FGF12: variants seen among roughly 807,000 people sequenced by gnomAD.
FGF12 encodes the protein fibroblast growth factor 12, also known as fibroblast growth factor 12B.
In FGF12, 14 loss-of-function variants were observed where a neutral mutation model predicts 23.6. That is an observed-to-expected ratio of 0.59 (90% CI 0.39 to 0.93). The LOEUF (loss-of-function observed/expected upper bound fraction) is 0.93, where lower values mean the gene tolerates loss of function less well. Ranked by LOEUF, FGF12 falls within the 40% of genes least tolerant of loss-of-function variation. The pLI is 0.00. For synonymous variants in FGF12, 62 were observed against 77.3 expected, an observed-to-expected ratio of 0.80 and a Z score of 1.04; for missense variants, 175 against 217.8, an observed-to-expected ratio of 0.80 and a Z score of 1.24.
chr3:192,711,861 G>C (rs1363379710), intron 2 of FGF12, among the ~76,000 whole-genome samples: 1 of 141,166 alleles, frequency 7.1e-6, no homozygotes, highest in Non-Finnish European at 1.5e-5. Context: ...TTGTTCACTT[G>C]TTTATCTGCT....
chr3:192,699,926 A>T (rs1388923629), intron 2 of FGF12, among the ~76,000 whole-genome samples: 1 of 152,180 alleles, frequency 6.6e-6, no homozygotes, highest in African/African-American at 2.4e-5. Flanking sequence ...ATTTCATTGT[A>T]TCCTTCTCTT....
intron 2 of FGF12, among the ~76,000 whole-genome samples, chr3:192,385,975 G>A (rs1157986665): frequency 2.0e-5 from 3 of 152,196 alleles, no homozygotes; most frequent in Non-Finnish European, 4.4e-5. Flanking sequence ...AAGAATTAAA[G>A]CAATCATTAG....
Position 192,528,101 on chromosome 3 carries a change from C to T in FGF12, c.14-167563G>A, listed in dbSNP as rs73056390. 9.9e-3 allele frequency among the ~76,000 whole-genome samples: 1,509 copies of T among 152,236 alleles called. 15 individuals carry two copies. The highest frequency in any genetic ancestry group is 0.03 in the African/African-American group (1,250 of 41,520). The stretch of plus-strand genomic sequence containing the variant: ...CATATCAAAGCCAATCAAGCCTTCC[C>T]AATAGTCCTCCAAAGTCATAACTCA... On this transcript the variant is annotated intron_variant, in intron 2 of 5. Coordinates refer to ENST00000445105, the MANE Select transcript of FGF12 (RefSeq NM_004113.6).
intron 2 of FGF12, among the ~76,000 whole-genome samples, chr3:192,388,000 C>T (rs553901216): frequency 3.7e-4 from 56 of 152,212 alleles, no homozygotes; most frequent in African/African-American, 1.0e-3. Flanking sequence ...TGTCTCACAC[C>T]TGAATCCCAA....
At chr3:192,610,781 C>T (rs1480108473) in intron 2 of FGF12, among the ~76,000 whole-genome samples, 4 of 151,998 alleles carry the variant, frequency 2.6e-5, no homozygotes, top group South Asian at 2.1e-4. Flanking sequence ...GGCTATTTCT[C>T]GAATATACCA....
At chr3:192,417,612 C>A (rs1342030620) in intron 2 of FGF12, among the ~76,000 whole-genome samples, 1 of 152,072 alleles carries the variant, frequency 6.6e-6, no homozygotes, top group Non-Finnish European at 1.5e-5. Flanking sequence ...GTGGAATCAC[C>A]TTTGATCTCT....
chr3:192,488,633 C>T lies in FGF12; in HGVS notation c.14-128095G>A, dbSNP rs561650019. Among the ~76,000 whole-genome samples the T allele has an allele frequency of 7.2e-5, 11 of 152,118 alleles. No individual in the cohort carries two copies. In the East Asian group the frequency reaches 1.4e-3, roughly 19 times the overall value. ...TATCACCAAACTAAATATTAACAAACGACCATCAAAGACAAAAGTTATGTT... is the reference window on the plus strand; with the variant it reads ...TATCACCAAACTAAATATTAACAAATGACCATCAAAGACAAAAGTTATGTT... On this transcript the variant is annotated intron_variant, in intron 2 of 5. Coordinates refer to ENST00000445105, the MANE Select transcript of FGF12 (RefSeq NM_004113.6).
chr3:192,479,605 G>C (rs887123361), intron 2 of FGF12, among the ~76,000 whole-genome samples: 14 of 152,152 alleles, frequency 9.2e-5, no homozygotes, highest in African/African-American at 2.9e-4. Context: ...TGGTAGGTGT[G>C]AGTAAGGTGG....
chr3:192,424,846 G>A (rs1721644721), intron 2 of FGF12, among the ~76,000 whole-genome samples: 2 of 152,014 alleles, frequency 1.3e-5, no homozygotes, highest in African/African-American at 4.8e-5. Flanking sequence ...AATAGGCCAT[G>A]TTTTTTATCC....
At chr3:192,440,183 G>A (rs1270521923) in intron 2 of FGF12, among the ~76,000 whole-genome samples, 1 of 151,992 alleles carries the variant, frequency 6.6e-6, no homozygotes. Context: ...GGAAAAAAAT[G>A]GTCTTTGTAG....
At chr3:192,428,805 T>C (rs1275215519) in intron 2 of FGF12, among the ~76,000 whole-genome samples, 1 of 152,130 alleles carries the variant, frequency 6.6e-6, no homozygotes, top group Non-Finnish European at 1.5e-5. Context: ...GGATATGAGG[T>C]TGTTCCTTTA....
intron 2 of FGF12, among the ~76,000 whole-genome samples, chr3:192,391,003 G>A (rs1009188269): frequency 6.6e-6 from 1 of 152,156 alleles, no homozygotes; most frequent in Non-Finnish European, 1.5e-5. Context: ...TTGAAAATTT[G>A]GATGAGGAGC....
At chr3:192,224,302 C>G (rs1180067318) in intron 4 of FGF12, among the ~76,000 whole-genome samples, 1 of 152,078 alleles carries the variant, frequency 6.6e-6, no homozygotes, top group Non-Finnish European at 1.5e-5. Flanking sequence ...ACTTTCTACT[C>G]CAGTCCTTCG....
At chr3:192,198,980 T>C (rs1717221499) in intron 4 of FGF12, among the ~76,000 whole-genome samples, 1 of 152,232 alleles carries the variant, frequency 6.6e-6, no homozygotes, top group Non-Finnish European at 1.5e-5. Context: ...ATGTGTTGTT[T>C]AGGTTAATCA....
intron 2 of FGF12, among the ~76,000 whole-genome samples, chr3:192,529,315 CAA>C (rs1404349856): frequency 6.6e-6 from 1 of 152,184 alleles, no homozygotes; most frequent in African/African-American, 2.4e-5. Flanking sequence ...TAACACATAA[CAA>C]GAGACCTTTG....
intron 2 of FGF12, among the ~76,000 whole-genome samples, chr3:192,534,513 A>G (rs977861855): frequency 3.3e-5 from 5 of 152,068 alleles, no homozygotes; most frequent in African/African-American, 7.2e-5. Flanking sequence ...CTCGTGTCTC[A>G]GCCTCCCAAG....
intron 2 of FGF12, among the ~76,000 whole-genome samples, chr3:192,705,906 C>T (rs1560200430): frequency 6.6e-6 from 1 of 152,086 alleles, no homozygotes; most frequent in Non-Finnish European, 1.5e-5. Flanking sequence ...TAACATAGTG[C>T]CTGATTCTTT....
At chr3:192,229,916 T>C (rs1284498018) in intron 4 of FGF12, among the ~76,000 whole-genome samples, 2 of 152,102 alleles carry the variant, frequency 1.3e-5, no homozygotes, top group African/African-American at 4.8e-5. Context: ...AACAACTTAC[T>C]TTTCATGCTT....
At chr3:192,296,466 G>T (rs913211345) in intron 4 of FGF12, among the ~76,000 whole-genome samples, 1 of 152,050 alleles carries the variant, frequency 6.6e-6, no homozygotes, top group African/African-American at 2.4e-5. Flanking sequence ...TCAAGTGATA[G>T]CCCCGCCTTG....
Sources: gnomAD v4.1 joint callset for allele counts (sites outside exome capture counted in the v4.1 genomes callset) on GRCh38, gnomAD v4.1.1 for gene constraint, MANE v1.5 for transcripts, NCBI Gene and HGNC (gene_info 2026-07-23, HGNC 2026-07-21) for gene names.